GALNT1: variants seen among roughly 807,000 people sequenced by gnomAD.
The protein encoded by GALNT1 is GalNAc transferase 1.
In GALNT1, 17 loss-of-function variants were observed where a neutral mutation model predicts 65.7. The observed-to-expected ratio is 0.26, with a 90% CI of 0.18 to 0.39. The LOEUF is 0.39. GALNT1 is among the 10% of genes least tolerant of loss of function. The probability of loss-of-function intolerance (pLI) is 1.00; values close to 1 mark genes in which losing one functional copy is unlikely to be tolerated. For synonymous variants in GALNT1, 210 were observed against 219.7 expected, an observed-to-expected ratio of 0.96 and a Z score of 0.39; for missense variants, 460 against 672.8, an observed-to-expected ratio of 0.68 and a Z score of 3.50.
At chr18:35,591,321 T>G (rs1253549035) in intron 1 of GALNT1, among the ~76,000 whole-genome samples, 3 of 152,168 alleles carry the variant, frequency 2.0e-5, no homozygotes, top group Admixed American at 6.5e-5. Context: ...TAATAGTAAG[T>G]TGGTTCAGAC....
intron 3 of GALNT1, among the ~76,000 whole-genome samples, chr18:35,673,689 C>T (rs1329919859): frequency 6.6e-6 from 1 of 152,192 alleles, no homozygotes; most frequent in African/African-American, 2.4e-5. Flanking sequence ...CCTCTTGCCA[C>T]AGCCTTGCAA....
chr18:35,626,757 T>G (rs2144154485), intron 1 of GALNT1, among the ~76,000 whole-genome samples: 1 of 152,320 alleles, frequency 6.6e-6, no homozygotes, highest in African/African-American at 2.4e-5. Context: ...TGATGGCATG[T>G]TGATGATGGC....
At chr18:35,605,184 C>T (rs2046630514) in intron 1 of GALNT1, among the ~76,000 whole-genome samples, 4 of 152,102 alleles carry the variant, frequency 2.6e-5, no homozygotes, top group Admixed American at 2.6e-4. Context: ...CTGTAAATGG[C>T]ACTGGCAAAG....
intron 2 of GALNT1, among the ~76,000 whole-genome samples, chr18:35,656,672 T>C (rs2047391600): frequency 2.0e-5 from 3 of 152,242 alleles, no homozygotes. Flanking sequence ...CTAGGGGTTT[T>C]GGACTTCATC....
chr18:35,708,348 A>G (rs1327090576), intron 11 of GALNT1, among the ~76,000 whole-genome samples: 13 of 152,228 alleles, frequency 8.5e-5, no homozygotes, highest in Non-Finnish European at 1.8e-4. Context: ...CAGTATCAGT[A>G]GTGACATCTG....
chr18:35,625,485 GT>G (rs1439020514), intron 1 of GALNT1, among the ~76,000 whole-genome samples: 1 of 152,218 alleles, frequency 6.6e-6, no homozygotes, highest in East Asian at 1.9e-4. Flanking sequence ...AGAGACTTGT[GT>G]TGCTAGGTAG....
At chr18:35,594,323 A>G (rs2046479247) in intron 1 of GALNT1, among the ~76,000 whole-genome samples, 1 of 152,170 alleles carries the variant, frequency 6.6e-6, no homozygotes, top group South Asian at 2.1e-4. Context: ...GTGTGAGGTA[A>G]AAGTGAGGTG....
At chr18:35,581,687 G>A (rs2046317344), upstream of GALNT1, 1 of 64 alleles carries the variant, frequency 0.016, no homozygotes, top group South Asian at 0.056. Context: ...GGGGGCGGGC[G>A]CGGCGGAGCG....
chr18:35,691,861 A>G (rs769974207), intron 8 of GALNT1, among the ~76,000 whole-genome samples: 1 of 152,136 alleles, frequency 6.6e-6, no homozygotes, highest in African/African-American at 2.4e-5. Flanking sequence ...ACTGCAAACA[A>G]TTGCTCTGTT....
chr18:35,708,759 A>T (rs1379782466), intron 11 of GALNT1, among the ~76,000 whole-genome samples: 2 of 152,222 alleles, frequency 1.3e-5, no homozygotes, highest in African/African-American at 4.8e-5. Context: ...TCCTAATAAC[A>T]TGTTGCTGCA....
At chr18:35,613,514 A>G (rs1348683288) in intron 1 of GALNT1, among the ~76,000 whole-genome samples, 4 of 152,134 alleles carry the variant, frequency 2.6e-5, no homozygotes, top group African/African-American at 9.6e-5. Flanking sequence ...GTTAGTAGTG[A>G]TACTGGCTCC....
chr18:35,654,677 A>G lies in GALNT1; in HGVS notation c.15A>G (p.Ala5=), dbSNP rs569735524. The G allele has an allele frequency of 1.4e-6, 2 of 1,431,962 alleles. No individual in the cohort carries two copies. The highest frequency in any genetic ancestry group is 2.3e-5 in the Admixed American group (1 of 42,692). 88.7% of individuals were successfully genotyped at this position (1,431,962 alleles called of 1,614,324 possible). ...CTTAAAGTGCCATGAGAAAATTTGC[A>G]TACTGCAAGGTGGTCCTAGCCACCT... The part of the protein sequence containing the change: MRKF[A]YCKVVLATSL... Residue 5 remains alanine (A), a synonymous_variant, in exon 2 of 12, where the codon GCA becomes GCG. Coordinates refer to ENST00000269195, the MANE Select transcript of GALNT1 (RefSeq NM_020474.4).
At chr18:35,644,262 T>C (rs1249415977) in intron 1 of GALNT1, among the ~76,000 whole-genome samples, 2 of 152,232 alleles carry the variant, frequency 1.3e-5, no homozygotes, top group East Asian at 3.8e-4. Context: ...GTTAAATACT[T>C]ATGTTGAATA....
chr18:35,624,213 G>A (rs73418866), intron 1 of GALNT1, among the ~76,000 whole-genome samples: 2,322 of 152,224 alleles, frequency 0.015, 58 homozygotes, highest in African/African-American at 0.054. Context: ...AGATATTTTA[G>A]GGTTCTCACT....
chr18:35,647,013 A>G (rs1256862765), intron 1 of GALNT1, among the ~76,000 whole-genome samples: 3 of 152,124 alleles, frequency 2.0e-5, no homozygotes, highest in East Asian at 1.9e-4. Context: ...ACAAGCTAGG[A>G]TTGAGTTTGT....
At chr18:35,659,326 ATTTAC>A (rs2047443518) in intron 2 of GALNT1, among the ~76,000 whole-genome samples, 1 of 152,106 alleles carries the variant, frequency 6.6e-6, no homozygotes, top group Non-Finnish European at 1.5e-5. Context: ...AGATTCTTCT[ATTTAC>A]TTGTTACTTG....
intron 1 of GALNT1, among the ~76,000 whole-genome samples, chr18:35,626,871 T>C (rs1568018286): frequency 6.6e-6 from 1 of 152,212 alleles, no homozygotes; most frequent in East Asian, 1.9e-4. Context: ...TCCTTCAACA[T>C]CTCTATGAGG....
At chr18:35,645,216 A>ATTTTTTTTTTTTTTTTTTTTTTTTT (rs1568022797) in intron 1 of GALNT1, among the ~76,000 whole-genome samples, 1 of 121,098 alleles carries the variant, frequency 8.3e-6, no homozygotes, top group African/African-American at 3.1e-5. Flanking sequence ...GCTATTTTGA[A>ATTTTTTTTTTTTTTTTTTTTTTTTT]TGTTTTTTTT....
chr18:35,703,783 G>A, intron 11 of GALNT1, 140 bp downstream of exon 11: 2 of 762,044 alleles, frequency 2.6e-6, no homozygotes, highest in Non-Finnish European at 3.9e-6. Flanking sequence ...TTGACAGGCG[G>A]GAAAAATAAG....
Sources: allele counts gnomAD v4.1 joint callset (sites outside exome capture counted in the v4.1 genomes callset), GRCh38; gene constraint gnomAD v4.1.1; transcripts MANE v1.5; gene names NCBI Gene and HGNC (gene_info 2026-07-23, HGNC 2026-07-21).